Variants in IL1RAPL1 observed in about 807,000 individuals in gnomAD.
The protein encoded by IL1RAPL1 is interleukin 1 receptor accessory protein like 1.
A neutral mutation model predicts 48.4 loss-of-function variants in IL1RAPL1; 3 were observed. The observed-to-expected ratio is 0.06, with a 90% CI of 0.03 to 0.16. IL1RAPL1 has a LOEUF of 0.16. Ranked by LOEUF, IL1RAPL1 falls within the 10% of genes least tolerant of loss-of-function variation. The pLI is 1.00. For synonymous variants in IL1RAPL1, 185 were observed against 187.7 expected, an observed-to-expected ratio of 0.99 and a Z score of 0.12; for missense variants, 349 against 530.6, an observed-to-expected ratio of 0.66 and a Z score of 3.36.
rs187859365 is a variant in IL1RAPL1 at position 29,316,528 on chromosome X, A to G, written c.362+33311A>G. ...ACTCTGTAAAATATTTTAGGCAGTCAGATTACAGTTTGGTTTTATACATTT... is the reference window on the plus strand; with the variant it reads ...ACTCTGTAAAATATTTTAGGCAGTCGGATTACAGTTTGGTTTTATACATTT... On this transcript the variant is annotated intron_variant, in intron 3 of 10. Transcript: ENST00000378993. 2.3e-3 allele frequency among the ~76,000 whole-genome samples: 254 copies of G among 112,424 alleles called. 1 individual carries two copies. Among genetic ancestry groups the G allele is most frequent in the African/African-American group, 8.0e-3 (248 of 31,012 alleles).
At chrX:28,710,017 C>A (rs1388674807) in intron 1 of IL1RAPL1, among the ~76,000 whole-genome samples, 3 of 111,604 alleles carry the variant, frequency 2.7e-5, no homozygotes, top group Non-Finnish European at 5.6e-5. Flanking sequence ...TTTTTATAGA[C>A]AGCGAGAGAT....
chrX:29,513,264 G>A (rs1477609889), intron 5 of IL1RAPL1, among the ~76,000 whole-genome samples: 1 of 111,699 alleles, frequency 9.0e-6, no homozygotes, highest in African/African-American at 3.2e-5. Context: ...GTTGTTATTA[G>A]CATCTATAGA....
chrX:28,663,491 T>C (rs980804419), intron 1 of IL1RAPL1, among the ~76,000 whole-genome samples: 14 of 112,389 alleles, frequency 1.2e-4, no homozygotes, highest in African/African-American at 4.2e-4. Flanking sequence ...TTTGTATGTC[T>C]GTTTCATTTT....
At chrX:28,734,365 A>G (rs1171755930) in intron 1 of IL1RAPL1, among the ~76,000 whole-genome samples, 1 of 110,737 alleles carries the variant, frequency 9.0e-6, no homozygotes, top group African/African-American at 3.3e-5. Flanking sequence ...TTCTTATGTC[A>G]TCTACTCCTA....
At chrX:29,830,940 G>A (rs1258749359) in intron 6 of IL1RAPL1, among the ~76,000 whole-genome samples, 1 of 111,380 alleles carries the variant, frequency 9.0e-6, no homozygotes, top group East Asian at 2.8e-4. Context: ...GGTTCTCAAA[G>A]CAACATGAAA....
intron 2 of IL1RAPL1, among the ~76,000 whole-genome samples, chrX:29,255,097 T>G (rs1448019189): frequency 9.3e-6 from 1 of 106,965 alleles, no homozygotes; most frequent in Admixed American, 1.0e-4. Context: ...GAAGTTGACC[T>G]TTTGAGTTTT....
intron 2 of IL1RAPL1, among the ~76,000 whole-genome samples, chrX:28,935,250 A>T (rs1327398722): frequency 9.0e-6 from 1 of 111,416 alleles, no homozygotes; most frequent in African/African-American, 3.3e-5. Context: ...CTATAGTTAT[A>T]GCCCTTACAT....
chrX:29,286,135 T>A (rs1932280252), intron 3 of IL1RAPL1, among the ~76,000 whole-genome samples: 1 of 111,725 alleles, frequency 9.0e-6, no homozygotes, highest in African/African-American at 3.3e-5. Context: ...ATGGCATACA[T>A]AATGGAAACA....
intron 5 of IL1RAPL1, among the ~76,000 whole-genome samples, chrX:29,649,297 A>T (rs916879395): frequency 8.9e-6 from 1 of 111,935 alleles, no homozygotes; most frequent in Non-Finnish European, 1.9e-5. Context: ...CACAACAACA[A>T]CAGAAAACTA....
At chrX:29,212,126 A>G (rs1362456527) in intron 2 of IL1RAPL1, among the ~76,000 whole-genome samples, 2 of 111,317 alleles carry the variant, frequency 1.8e-5, no homozygotes, top group Non-Finnish European at 3.8e-5. Flanking sequence ...TAACAACTTC[A>G]TCTGTGTTTG....
chrX:29,584,620 C>T (rs1042450885), intron 5 of IL1RAPL1, among the ~76,000 whole-genome samples: 1 of 111,507 alleles, frequency 9.0e-6, no homozygotes, highest in Non-Finnish European at 1.9e-5. Flanking sequence ...GTGGCAAGAT[C>T]ATGGCTCACT....
intron 2 of IL1RAPL1, among the ~76,000 whole-genome samples, chrX:29,180,748 C>G (rs1930128223): frequency 9.0e-6 from 1 of 111,610 alleles, no homozygotes; most frequent in Non-Finnish European, 1.9e-5. Context: ...AATTCCAAAT[C>G]TTGTGCTCTA....
intron 2 of IL1RAPL1, among the ~76,000 whole-genome samples, chrX:28,919,495 G>C (rs1329879779): frequency 8.9e-6 from 1 of 112,268 alleles, no homozygotes; most frequent in Non-Finnish European, 1.9e-5. Flanking sequence ...GAAAACTATA[G>C]AGGAATTTTT....
At chrX:28,937,019 T>A (rs1197536456) in intron 2 of IL1RAPL1, among the ~76,000 whole-genome samples, 1 of 111,248 alleles carries the variant, frequency 9.0e-6, no homozygotes, top group Non-Finnish European at 1.9e-5. Flanking sequence ...TCTAGCATAG[T>A]CATTTATGCA....
At chrX:29,178,182 A>G (rs1930066933) in intron 2 of IL1RAPL1, among the ~76,000 whole-genome samples, 1 of 111,875 alleles carries the variant, frequency 8.9e-6, no homozygotes, top group African/African-American at 3.3e-5. Flanking sequence ...GTCTTTCACA[A>G]TGGTTGAACT....
At chrX:29,206,085 A>C (rs1380023460) in intron 2 of IL1RAPL1, among the ~76,000 whole-genome samples, 1 of 111,525 alleles carries the variant, frequency 9.0e-6, no homozygotes, top group African/African-American at 3.3e-5. Flanking sequence ...ATTAGTACTG[A>C]ATAAGTACTA....
intron 2 of IL1RAPL1, among the ~76,000 whole-genome samples, chrX:28,800,547 G>A (rs985494320): frequency 4.5e-5 from 5 of 111,638 alleles, no homozygotes; most frequent in Non-Finnish European, 9.4e-5. Flanking sequence ...GAAGAGGCTG[G>A]CAGAGAAAGA....
intron 2 of IL1RAPL1, among the ~76,000 whole-genome samples, chrX:29,226,584 A>G (rs1468266300): frequency 9.3e-6 from 1 of 107,632 alleles, no homozygotes; most frequent in Admixed American, 1.0e-4. Flanking sequence ...AGTGCCCGCC[A>G]CCACATCTGG....
At chrX:29,117,544 A>T (rs944268391) in intron 2 of IL1RAPL1, among the ~76,000 whole-genome samples, 2 of 112,203 alleles carry the variant, frequency 1.8e-5, no homozygotes, top group African/African-American at 3.2e-5. Context: ...AATGTACAGC[A>T]AGTGTAGGAA....
Sources: allele counts gnomAD v4.1 joint callset (sites outside exome capture counted in the v4.1 genomes callset), GRCh38; gene constraint gnomAD v4.1.1; transcripts MANE v1.5; gene names NCBI Gene and HGNC (gene_info 2026-07-23, HGNC 2026-07-21).